The following DYNC1I1 variants were observed in gnomAD, a reference collection of about 807,000 sequenced individuals.
DYNC1I1 encodes the protein dynein cytoplasmic 1 intermediate chain 1.
A neutral mutation model predicts 86.6 loss-of-function variants in DYNC1I1; 43 were observed. The ratio of observed to expected loss-of-function variants is 0.50; its 90% CI spans 0.39 to 0.64. The LOEUF is 0.64. Among genes scored for constraint, DYNC1I1 ranks in the 30% least tolerant of loss-of-function variants. DYNC1I1 has a pLI of 0.00. For missense variants in DYNC1I1, 604 were observed against 788.8 expected (o/e 0.77, Z 2.81); for synonymous variants, 262 against 283.7 (o/e 0.92, Z 0.77).
At chr7:95,806,197 G>A (rs1794697068) in intron 2 of DYNC1I1, among the ~76,000 whole-genome samples, 1 of 152,134 alleles carries the variant, frequency 6.6e-6, no homozygotes, top group African/African-American at 2.4e-5. Context: ...AACACTTACT[G>A]TAGTTTTAAA....
intron 6 of DYNC1I1, among the ~76,000 whole-genome samples, chr7:95,930,916 T>A (rs1197694824): frequency 6.6e-6 from 1 of 152,172 alleles, no homozygotes; most frequent in Admixed American, 6.5e-5. Context: ...GCTCTGTAGG[T>A]TCTAGGCTAC....
At chr7:95,946,132 A>G (rs1792392330) in intron 6 of DYNC1I1, among the ~76,000 whole-genome samples, 1 of 151,940 alleles carries the variant, frequency 6.6e-6, no homozygotes, top group Admixed American at 6.6e-5. Context: ...GAGGGGAACA[A>G]CACACACTGG....
chr7:96,076,023 G>T, intron 14 of DYNC1I1, 34 bp from the exon 15 acceptor site: 1 of 1,600,128 alleles, frequency 6.2e-7, no homozygotes, highest in East Asian at 2.2e-5. Context: ...CAGCAGCAGC[G>T]CCACAAAGTC....
At chr7:96,108,701 A>ATTTTTGTATT (rs1791258297) in intron 16 of DYNC1I1, among the ~76,000 whole-genome samples, 4 of 151,914 alleles carry the variant, frequency 2.6e-5, no homozygotes, top group Non-Finnish European at 5.9e-5. Context: ...GTCTCTACTA[A>ATTTTTGTATT]AAATACAAAA....
chr7:96,026,985 G>A (rs1264703431), intron 10 of DYNC1I1, among the ~76,000 whole-genome samples: 1 of 152,188 alleles, frequency 6.6e-6, no homozygotes, highest in Non-Finnish European at 1.5e-5. Flanking sequence ...AAGAACATCA[G>A]GCCAAAGGGA....
At chr7:95,843,644 A>C (rs958783293) in intron 5 of DYNC1I1, among the ~76,000 whole-genome samples, 2 of 152,324 alleles carry the variant, frequency 1.3e-5, no homozygotes, top group East Asian at 1.9e-4. Flanking sequence ...TATGTTAACT[A>C]TGTGATTAGC....
At chr7:96,046,696 G>T (rs951234826) in intron 14 of DYNC1I1, among the ~76,000 whole-genome samples, 1 of 152,158 alleles carries the variant, frequency 6.6e-6, no homozygotes, top group African/African-American at 2.4e-5. Context: ...AGCTTGTGGA[G>T]GAGAACACCA....
intron 14 of DYNC1I1, among the ~76,000 whole-genome samples, chr7:96,067,954 C>G (rs1003364610): frequency 6.6e-6 from 1 of 151,942 alleles, no homozygotes; most frequent in Admixed American, 6.6e-5. Flanking sequence ...CAAAGATATC[C>G]CCACCCCACC....
intron 6 of DYNC1I1, among the ~76,000 whole-genome samples, chr7:95,897,370 T>C (rs1036675839): frequency 6.6e-6 from 1 of 152,068 alleles, no homozygotes; most frequent in Non-Finnish European, 1.5e-5. Flanking sequence ...TGATACACCA[T>C]ATAGAAAGTC....
At chr7:95,948,577 A>G (rs574276437) in intron 6 of DYNC1I1, among the ~76,000 whole-genome samples, 1 of 152,334 alleles carries the variant, frequency 6.6e-6, no homozygotes, top group Non-Finnish European at 1.5e-5. Flanking sequence ...GAAATAAGTC[A>G]GAGGAACTTG....
intron 3 of DYNC1I1, among the ~76,000 whole-genome samples, chr7:95,811,042 T>C (rs1794819866): frequency 6.6e-6 from 1 of 152,174 alleles, no homozygotes; most frequent in Admixed American, 6.6e-5. Context: ...TTATTGTATT[T>C]TGATTTGATT....
At chr7:95,997,434 T>C (rs1483934716) in intron 10 of DYNC1I1, among the ~76,000 whole-genome samples, 3 of 152,132 alleles carry the variant, frequency 2.0e-5, no homozygotes, top group African/African-American at 7.2e-5. Context: ...CCAACAATAA[T>C]ACATTATTAT....
At chr7:95,896,106 A>G (rs1790876532) in intron 6 of DYNC1I1, among the ~76,000 whole-genome samples, 1 of 152,206 alleles carries the variant, frequency 6.6e-6, no homozygotes, top group Non-Finnish European at 1.5e-5. Context: ...TAGGGTTGGC[A>G]ATAGCTTGCT....
At chr7:95,773,160 C>T (rs895719625) in intron 1 of DYNC1I1, among the ~76,000 whole-genome samples, 1 of 152,212 alleles carries the variant, frequency 6.6e-6, no homozygotes, top group Non-Finnish European at 1.5e-5. Context: ...CTGACTGCCC[C>T]TGGAGGAGGG....
chr7:95,917,628 A>G (rs955557592), intron 6 of DYNC1I1, among the ~76,000 whole-genome samples: 1 of 152,186 alleles, frequency 6.6e-6, no homozygotes, highest in Non-Finnish European at 1.5e-5. Context: ...TGAAATAGAA[A>G]GTATCAAAAA....
At chr7:95,997,206 CT>C (rs899527112) in intron 10 of DYNC1I1, among the ~76,000 whole-genome samples, 24 of 151,990 alleles carry the variant, frequency 1.6e-4, no homozygotes, top group African/African-American at 4.6e-4. Flanking sequence ...ACGGTTCTTT[CT>C]TTTTTTCTTT....
intron 14 of DYNC1I1, among the ~76,000 whole-genome samples, chr7:96,071,755 C>G (rs1232009230): frequency 6.6e-6 from 1 of 152,168 alleles, no homozygotes; most frequent in East Asian, 1.9e-4. Context: ...TTAACAGACT[C>G]AGGAAATGAA....
chr7:96,035,748 G>A lies in DYNC1I1; in HGVS notation c.1360G>A (p.Gly454Arg). The A allele has an allele frequency of 6.2e-7, 1 of 1,609,346 alleles. No individual in the cohort carries two copies. The highest frequency in any genetic ancestry group is 8.5e-7 in the Non-Finnish European group (1 of 1,178,196). Residue 454 changes from glycine (G) to arginine (R), a missense_variant, in exon 13 of 17, where the codon GGA becomes AGA. By Grantham distance (125) the Gly-to-Arg change is moderately radical. Coordinates refer to ENST00000447467, the MANE Select transcript of DYNC1I1 (RefSeq NM_001135556.2). ...TACAGTCTACACGGCTTGTCGTCAT[G>A]GAAGGTGATTTTTCTGTTTCTTTAC... is the stretch of plus-strand genomic sequence containing the variant. Reference protein sequence around the residue: ...EGTVYTACRHGSKAGIGEVFE... With the variant: ...EGTVYTACRHRSKAGIGEVFE...
intron 4 of DYNC1I1, among the ~76,000 whole-genome samples, chr7:95,827,343 G>A (rs1562909732): frequency 6.6e-6 from 1 of 152,196 alleles, no homozygotes; most frequent in Non-Finnish European, 1.5e-5. Context: ...TCTGTTTATA[G>A]AAGAGCCATT....
Sources: allele counts gnomAD v4.1 joint callset (sites outside exome capture counted in the v4.1 genomes callset), GRCh38; gene constraint gnomAD v4.1.1; transcripts MANE v1.5; gene names NCBI Gene and HGNC (gene_info 2026-07-23, HGNC 2026-07-21).